MSH3: variants seen among roughly 807,000 people sequenced by gnomAD.
MSH3 encodes the protein DNA mismatch repair protein Msh3.
A neutral mutation model predicts 123.3 loss-of-function variants in MSH3; 106 were observed. The observed-to-expected ratio is 0.86, with a 90% CI of 0.73 to 1.01. The LOEUF is 1.01. Among genes scored for constraint, MSH3 ranks in the 50% least tolerant of loss-of-function variants. MSH3 has a pLI of 0.00. For synonymous variants in MSH3, 515 were observed against 481.4 expected (o/e 1.07, Z -0.91); for missense variants, 1,459 against 1,347.6 (o/e 1.08, Z -1.29).
At chr5:80,742,661 G>C (rs1197461944) in intron 11 of MSH3, among the ~76,000 whole-genome samples, 1 of 152,088 alleles carries the variant, frequency 6.6e-6, no homozygotes. Flanking sequence ...GTCTGTTCTA[G>C]TATGCTGAAT....
intron 17 of MSH3, 70 bp downstream of exon 17, chr5:80,778,906 C>A: frequency 3.4e-6 from 3 of 886,590 alleles, no homozygotes; most frequent in Non-Finnish European, 1.9e-6. Context: ...ATCTTTCCAT[C>A]AAAAAGAAAA....
chr5:80,760,083 C>G (rs1441365309), intron 12 of MSH3, among the ~76,000 whole-genome samples: 1 of 152,178 alleles, frequency 6.6e-6, no homozygotes, highest in Non-Finnish European at 1.5e-5. Context: ...GGATCCTGAT[C>G]TAAGATTTGC....
rs138202481 is a variant in MSH3 at position 80,716,072 on chromosome 5, A to G, written c.1341-9381A>G. On this transcript the variant is annotated intron_variant, in intron 8 of 23. Coordinates refer to ENST00000265081, the MANE Select transcript of MSH3 (RefSeq NM_002439.5). ...AGGGGTAACGTGCAGTAGGCACTCC[A>G]TAAATGTCTGCTAAGCATTTTTAAA... Among the ~76,000 whole-genome samples, 24 of 152,346 alleles carry G rather than the reference A, an allele frequency of 1.6e-4. No individual in the cohort carries two copies. The East Asian group carries it at 3.3e-3, about 21-fold the overall frequency.
At chr5:80,854,020 A>C in intron 20 of MSH3, 110 bp from the exon 21 acceptor site, 2 of 938,392 alleles carry the variant, frequency 2.1e-6, no homozygotes, top group African/African-American at 3.3e-5. Flanking sequence ...TATTGGCTCA[A>C]AATATATAGA....
At chr5:80,678,819 C>T (rs904221936) in intron 7 of MSH3, 108 bp from the exon 8 acceptor site, 9 of 1,217,582 alleles carry the variant, frequency 7.4e-6, no homozygotes, top group African/African-American at 4.5e-5. Context: ...AGAGTACATA[C>T]ATACTCCTGA....
chr5:80,875,770 G>C lies in MSH3; in HGVS notation c.3322G>C (p.Ala1108Pro). ...CCCCAGAAAGAGACTCAAGTATTTT[G>C]CAAAGTTATGGACGATGCATAATGC... Reference protein sequence around the residue: ...NTKRKRLKYFAKLWTMHNAQD... With the variant: ...NTKRKRLKYFPKLWTMHNAQD... Residue 1108 changes from alanine (A) to proline (P), a missense_variant, in exon 24 of 24, where the codon GCA (alanine) becomes CCA (proline). Physicochemically the swap from Ala to Pro is conservative, Grantham distance 27. Coordinates refer to ENST00000265081, the MANE Select transcript of MSH3 (RefSeq NM_002439.5). 1 of 1,612,778 alleles carries C rather than the reference G, an allele frequency of 6.2e-7. No homozygotes were observed. Among genetic ancestry groups the C allele is most frequent in the African/African-American group, 1.3e-5 (1 of 75,010 alleles).
At chr5:80,691,620 GT>G (rs1450469022) in intron 8 of MSH3, among the ~76,000 whole-genome samples, 1 of 150,538 alleles carries the variant, frequency 6.6e-6, no homozygotes, top group Non-Finnish European at 1.5e-5. Flanking sequence ...GGGCAATGAG[GT>G]TTTTCACAGA....
chr5:80,723,093 A>AG, intron 8 of MSH3, among the ~76,000 whole-genome samples: 1 of 114,502 alleles, frequency 8.7e-6, no homozygotes, highest in African/African-American at 3.4e-5. Flanking sequence ...AACTCTGTCT[A>AG]AAAATAAATA....
In MSH3 at chr5:80,665,141, A is replaced by G. The variant is rs1457778017; in HGVS notation, c.359-2A>G. 6.2e-7 allele frequency: 1 copy of G among 1,613,236 alleles called. No individual in the cohort carries two copies. Among genetic ancestry groups the G allele is most frequent in the Non-Finnish European group, 8.5e-7 (1 of 1,179,426 alleles). The stretch of plus-strand genomic sequence containing the variant: ...CTGTTTTCTTCTTATTTGCTGCCTA[A>G]GAGCCAAAGAAATGTCTGAGGACCA... On this transcript the variant is annotated splice_acceptor_variant, in intron 2 of 23. Transcript: ENST00000265081. LOFTEE classifies it high-confidence loss of function.
At chr5:80,738,629 G>C (rs929433555) in intron 10 of MSH3, among the ~76,000 whole-genome samples, 4 of 152,134 alleles carry the variant, frequency 2.6e-5, no homozygotes, top group African/African-American at 9.7e-5. Context: ...CCATACCACC[G>C]TGAAAAATTA....
Position 80,654,917 on chromosome 5 carries a change from C to CAGCGCCCG in MSH3, c.190_191insAGCGCCCG (p.Pro64GlnfsTer19). The CAGCGCCCG allele has an allele frequency of 1.4e-6, 2 of 1,440,622 alleles. No individual in the cohort carries two copies. The highest frequency in any genetic ancestry group is 2.5e-5 in the South Asian group (2 of 79,902). The allele number at this position is 1,440,622 out of a possible 1,614,324, so 89.2% of individuals were successfully genotyped here. ...AGCGGCCGCAGCGGCCGCAGCGCCCCCAGCGCCCCCAGCTCCCGCCTTCCC... is the reference window on the plus strand; with the variant it reads ...AGCGGCCGCAGCGGCCGCAGCGCCCCAGCGCCCGCAGCGCCCCCAGCTCCCGCCTTCCC... On this transcript the variant is annotated frameshift_variant, in exon 1 of 24. Transcript: ENST00000265081. LOFTEE classifies it high-confidence loss of function.
At chr5:80,773,603 C>T (rs1475412891) in intron 15 of MSH3, among the ~76,000 whole-genome samples, 5 of 152,046 alleles carry the variant, frequency 3.3e-5, no homozygotes, top group Non-Finnish European at 4.4e-5. Flanking sequence ...TTAATATGAA[C>T]ATTATAAATA....
At position 80,725,465 on chromosome 5, in the gene MSH3, C is replaced by T. The variant is rs754114406; in HGVS notation, c.1353C>T (p.Asp451=). 1 of 1,612,774 alleles carries T rather than the reference C, an allele frequency of 6.2e-7. No individual in the cohort carries two copies. The highest frequency in any genetic ancestry group is 8.5e-7 in the Non-Finnish European group (1 of 1,179,268). Residue 451 remains aspartate (D), a synonymous_variant, in exon 9 of 24, where the codon GAC becomes GAT. Transcript: ENST00000265081. ...HRATSVSVQD[D]RIRVERMDNI... is the part of the protein sequence containing the mutation. ...TTTTTTCTTTCAGTGTGCAGGATGA[C>T]AGAATTCGAGTCGAAAGGATGGATA...
chr5:80,866,416 G>A (rs1746099438), intron 22 of MSH3, among the ~76,000 whole-genome samples: 1 of 152,188 alleles, frequency 6.6e-6, no homozygotes, highest in African/African-American at 2.4e-5. Context: ...TGGGATTACA[G>A]GGATGAGCTA....
At chr5:80,864,062 T>G (rs1746059536) in intron 21 of MSH3, among the ~76,000 whole-genome samples, 1 of 152,200 alleles carries the variant, frequency 6.6e-6, no homozygotes, top group South Asian at 2.1e-4. Flanking sequence ...GGAAATATAC[T>G]CCTTGGGGTT....
intron 15 of MSH3, among the ~76,000 whole-genome samples, chr5:80,772,981 C>T (rs574191526): frequency 6.6e-6 from 1 of 152,292 alleles, no homozygotes; most frequent in South Asian, 2.1e-4. Context: ...TGTATTGGCT[C>T]TGTGTATGGT....
intron 21 of MSH3, among the ~76,000 whole-genome samples, chr5:80,860,983 A>G (rs921425346): frequency 1.3e-5 from 2 of 152,062 alleles, no homozygotes; most frequent in African/African-American, 4.8e-5. Context: ...CATTTCCATC[A>G]CAGTGTTTTT....
intron 20 of MSH3, among the ~76,000 whole-genome samples, chr5:80,814,165 A>G (rs1277271555): frequency 6.6e-6 from 1 of 151,772 alleles, no homozygotes; most frequent in Admixed American, 6.6e-5. Flanking sequence ...CAGAAAAAAA[A>G]CCCACGTTAT....
chr5:80,665,349 C>G lies in MSH3; in HGVS notation c.565C>G (p.Gln189Glu), dbSNP rs1580546793. The change falls in exon 3 of 24, where the codon CAA (glutamine) becomes GAA (glutamate). Residue 189 changes from glutamine to glutamate, a missense_variant. Coordinates refer to ENST00000265081, the MANE Select transcript of MSH3 (RefSeq NM_002439.5). The stretch of plus-strand genomic sequence containing the variant: ...AGTTTCTTCTGAAGATTCGAAACGT[C>G]AAATTAATCAAAAGGTATGTAACTG... ...NAVSSEDSKR[Q>E]INQKDTTLFD... 6.2e-7 allele frequency: 1 copy of G among 1,611,350 alleles called. No individual in the cohort carries two copies. Among genetic ancestry groups the G allele is most frequent in the Non-Finnish European group, 8.5e-7 (1 of 1,179,114 alleles).
Sources: gnomAD v4.1 joint callset for allele counts (sites outside exome capture counted in the v4.1 genomes callset) on GRCh38, gnomAD v4.1.1 for gene constraint, MANE v1.5 for transcripts, NCBI Gene and HGNC (gene_info 2026-07-23, HGNC 2026-07-21) for gene names.